Variants in ADGRB3 observed in about 807,000 individuals in gnomAD.
ADGRB3 encodes the protein brain-specific angiogenesis inhibitor 3.
Under a neutral mutation model 193.4 loss-of-function variants are expected in ADGRB3, and 37 were observed. The ratio of observed to expected loss-of-function variants is 0.19; its 90% confidence interval spans 0.15 to 0.25. The LOEUF is 0.25. Ranked by LOEUF, ADGRB3 falls within the 10% of genes least tolerant of loss-of-function variation. The pLI, the probability that ADGRB3 is intolerant of heterozygous loss-of-function variation, is 1.00. For missense variants in ADGRB3, 1,637 were observed against 1,852.9 expected, an observed-to-expected ratio of 0.88 and a Z score of 2.14; for synonymous variants, 690 against 644.2, an observed-to-expected ratio of 1.07 and a Z score of -1.08.
At chr6:68,746,302 G>C (rs1437865949) in intron 3 of ADGRB3, among the ~76,000 whole-genome samples, 1 of 151,660 alleles carries the variant, frequency 6.6e-6, no homozygotes, top group Non-Finnish European at 1.5e-5. Flanking sequence ...TATGTTCATA[G>C]GTGATTTGTA....
intron 28 of ADGRB3, among the ~76,000 whole-genome samples, chr6:69,359,861 A>G (rs1769415829): frequency 6.6e-6 from 1 of 151,920 alleles, no homozygotes. Flanking sequence ...AGTTACAAAA[A>G]TAAGTCTTCA....
intron 17 of ADGRB3, among the ~76,000 whole-genome samples, chr6:69,138,518 C>T (rs960708405): frequency 6.6e-6 from 1 of 152,142 alleles, no homozygotes; most frequent in Non-Finnish European, 1.5e-5. Context: ...CTTAATAACC[C>T]TCATGCTCAA....
intron 17 of ADGRB3, among the ~76,000 whole-genome samples, chr6:69,162,695 T>G (rs1582510060): frequency 6.6e-6 from 1 of 152,064 alleles, no homozygotes; most frequent in Non-Finnish European, 1.5e-5. Flanking sequence ...ATAAAATGAG[T>G]GAAAATGATT....
intron 8 of ADGRB3, among the ~76,000 whole-genome samples, chr6:68,971,057 A>G (rs1768553320): frequency 6.6e-6 from 1 of 152,202 alleles, no homozygotes; most frequent in South Asian, 2.1e-4. Flanking sequence ...GCCACTCAGA[A>G]ACTGGCTACG....
intron 3 of ADGRB3, among the ~76,000 whole-genome samples, chr6:68,725,048 G>T (rs1421860428): frequency 6.6e-6 from 1 of 151,596 alleles, no homozygotes; most frequent in African/African-American, 2.4e-5. Flanking sequence ...ACCACATTTG[G>T]GGGTATGAGA....
At chr6:69,228,623 G>T (rs55657902) in intron 17 of ADGRB3, among the ~76,000 whole-genome samples, 21,392 of 152,072 alleles carry the variant, frequency 0.14, 1,562 homozygotes, top group Middle Eastern at 0.16. Flanking sequence ...TTCTGGTGAT[G>T]GGAAAGTACC....
At chr6:69,137,849 A>C (rs961463466) in intron 17 of ADGRB3, among the ~76,000 whole-genome samples, 1 of 152,152 alleles carries the variant, frequency 6.6e-6, no homozygotes, top group Non-Finnish European at 1.5e-5. Flanking sequence ...GCCTAAACAC[A>C]ATAGATACCT....
At chr6:69,153,941 C>A (rs867506987) in intron 17 of ADGRB3, among the ~76,000 whole-genome samples, 3 of 151,816 alleles carry the variant, frequency 2.0e-5, no homozygotes, top group Non-Finnish European at 4.4e-5. Flanking sequence ...TGCAGTGAGC[C>A]GAGATTGCAC....
intron 3 of ADGRB3, among the ~76,000 whole-genome samples, chr6:68,759,530 A>G (rs550407081): frequency 2.6e-5 from 4 of 152,186 alleles, no homozygotes; most frequent in East Asian, 3.9e-4. Flanking sequence ...TACAGATGCT[A>G]TGTGTGTAAC....
At chr6:69,000,121 C>A (rs913622178) in intron 11 of ADGRB3, among the ~76,000 whole-genome samples, 3 of 152,184 alleles carry the variant, frequency 2.0e-5, no homozygotes, top group Admixed American at 6.5e-5. Flanking sequence ...AAATTTCAGC[C>A]TGTCCAGCTA....
chr6:68,648,852 A>G (rs7341220), intron 3 of ADGRB3, among the ~76,000 whole-genome samples: 8,517 of 151,648 alleles, frequency 0.056, 772 homozygotes, highest in African/African-American at 0.19. Flanking sequence ...CTCCAATAAG[A>G]TGCATTTTTA....
intron 3 of ADGRB3, among the ~76,000 whole-genome samples, chr6:68,823,922 C>T (rs534111493): frequency 4.7e-5 from 7 of 147,802 alleles, no homozygotes; most frequent in Non-Finnish European, 7.6e-5. Flanking sequence ...TATTCCATTC[C>T]GTTATTTTTT....
intron 17 of ADGRB3, among the ~76,000 whole-genome samples, chr6:69,101,695 TTGTG>T (rs756752573): frequency 2.0e-5 from 3 of 149,386 alleles, no homozygotes; most frequent in Non-Finnish European, 3.0e-5. Flanking sequence ...TTCTAAATCT[TTGTG>T]TGTGTGAGTG....
intron 13 of ADGRB3, among the ~76,000 whole-genome samples, chr6:69,021,854 A>C (rs780142010): frequency 1.4e-4 from 22 of 151,892 alleles, no homozygotes; most frequent in Non-Finnish European, 2.9e-4. Context: ...TTATATGATA[A>C]AAAATTCTAT....
intron 3 of ADGRB3, among the ~76,000 whole-genome samples, chr6:68,640,399 A>G (rs1043664525): frequency 2.6e-5 from 4 of 152,242 alleles, no homozygotes; most frequent in African/African-American, 9.6e-5. Flanking sequence ...ATGTTTAATA[A>G]TGCAAGACAG....
At chr6:69,232,080 G>T (rs967071222) in intron 17 of ADGRB3, among the ~76,000 whole-genome samples, 1 of 152,180 alleles carries the variant, frequency 6.6e-6, no homozygotes, top group African/African-American at 2.4e-5. Context: ...ATCAAGCCAT[G>T]TGTTTTTCTC....
chr6:69,241,518 C>G (rs955799204), intron 20 of ADGRB3, among the ~76,000 whole-genome samples: 1 of 151,418 alleles, frequency 6.6e-6, no homozygotes, highest in Non-Finnish European at 1.5e-5. Context: ...CAGCTATATT[C>G]AGAAACTAAA....
At chr6:69,283,693 A>G (rs1767488685) in intron 20 of ADGRB3, among the ~76,000 whole-genome samples, 1 of 152,306 alleles carries the variant, frequency 6.6e-6, no homozygotes, top group African/African-American at 2.4e-5. Flanking sequence ...GTCATAAAAA[A>G]TTGGTTCACT....
chr6:68,900,424 G>A (rs1489886471), intron 3 of ADGRB3, among the ~76,000 whole-genome samples: 4 of 152,122 alleles, frequency 2.6e-5, no homozygotes, highest in Non-Finnish European at 4.4e-5. Flanking sequence ...GTAGCCACAA[G>A]GAGGCCTGGG....
Sources: allele counts gnomAD v4.1 joint callset (sites outside exome capture counted in the v4.1 genomes callset), GRCh38; gene constraint gnomAD v4.1.1; transcripts MANE v1.5; gene names NCBI Gene and HGNC (gene_info 2026-07-23, HGNC 2026-07-21).